SLC12A7: variants seen among roughly 807,000 people sequenced by gnomAD.
SLC12A7 encodes the protein K-Cl cotransporter 4.
A neutral mutation model predicts 120.6 loss-of-function variants in SLC12A7; 100 were observed. The ratio of observed to expected loss-of-function variants is 0.83; its 90% CI spans 0.71 to 0.98. The LOEUF (loss-of-function observed/expected upper bound fraction) is 0.98, where lower values mean the gene tolerates loss of function less well. Ranked by LOEUF, SLC12A7 falls within the 50% of genes least tolerant of loss-of-function variation. SLC12A7 has a pLI of 0.00. For synonymous variants in SLC12A7, 760 were observed against 678.0 expected, an observed-to-expected ratio of 1.12 and a Z score of -1.88; for missense variants, 1,373 against 1,548.1, an observed-to-expected ratio of 0.89 and a Z score of 1.90.
chr5:1,104,417 A>G (rs1231182382), intron 1 of SLC12A7, among the ~76,000 whole-genome samples: 3 of 152,226 alleles, frequency 2.0e-5, no homozygotes, highest in African/African-American at 7.2e-5. Flanking sequence ...TGGGAGGGCC[A>G]GCGGGGCTAC....
At chr5:1,123,757 A>T in the SLC12A7 span, among the ~76,000 whole-genome samples, 1 of 152,262 alleles carries the variant, frequency 6.6e-6, no homozygotes, top group African/African-American at 2.4e-5. Flanking sequence ...CTGGTAGGGC[A>T]TATCCTGAAG....
Position 1,075,355 on chromosome 5 carries a change from G to T in SLC12A7, c.1967+16C>A, listed in dbSNP as rs187014952. 1 of 1,606,074 alleles carries T rather than the reference G, an allele frequency of 6.2e-7. No individual in the cohort carries two copies. The highest frequency in any genetic ancestry group is 1.1e-5 in the South Asian group (1 of 90,922). ...TCCCGTGCGCCGGGTCTGTAAGGGG[G>T]GCTGACAGCGCTTACCCGCGGTACT... On this transcript the variant is annotated intron_variant, in intron 15 of 23. Transcript: ENST00000264930.
Position 1,079,504 on chromosome 5 carries a change from C to T in SLC12A7, c.1298-8G>A. 1 of 1,610,248 alleles carries T rather than the reference C, an allele frequency of 6.2e-7. No homozygotes were observed. Among genetic ancestry groups the T allele is most frequent in the Non-Finnish European group, 8.5e-7 (1 of 1,177,652 alleles). On this transcript the variant is annotated splice_region_variant and splice_polypyrimidine_tract_variant and intron_variant, in intron 9 of 23. Transcript: ENST00000264930. ...TTGAACCCGCCATGATACCTGTGAA[C>T]ATGGAAAATGCTGCAAAGACCCATC...
At chr5:1,139,214 GT>G in the SLC12A7 span, among the ~76,000 whole-genome samples, 1 of 152,252 alleles carries the variant, frequency 6.6e-6, no homozygotes, top group Non-Finnish European at 1.5e-5. Context: ...GGGGGAAAGT[GT>G]GAGCCCTTGG....
In SLC12A7 at chr5:1,089,099, G is replaced by T; in HGVS notation, c.372C>A (p.Val124=). ...GGATGTTCTGCAGGCACGGCAGGTA[G>T]ACGCCGATGAAGGTGCCCATGCGCG... ...KAPRMGTFIG[V]YLPCLQNILG... The change falls in exon 4 of 24, where the codon GTC becomes GTA. Residue 124 remains valine (V), a synonymous_variant. Transcript: ENST00000264930. 6.2e-7 allele frequency: 1 copy of T among 1,612,862 alleles called. No homozygotes were observed. Among genetic ancestry groups the T allele is most frequent in the South Asian group, 1.1e-5 (1 of 91,088 alleles).
chr5:1,138,625 C>T, the SLC12A7 span, among the ~76,000 whole-genome samples: 2 of 152,178 alleles, frequency 1.3e-5, no homozygotes, highest in Non-Finnish European at 2.9e-5. Flanking sequence ...AGCTGGAGAT[C>T]TTTACCCCAC....
At chr5:1,087,753 T>C (rs4073269) in intron 5 of SLC12A7, among the ~76,000 whole-genome samples, 65,150 of 152,200 alleles carry the variant, frequency 0.43, 15,329 homozygotes, top group East Asian at 0.62. Context: ...GAAGCAGACG[T>C]GGCAGCGTCT....
chr5:1,118,172 C>A, the SLC12A7 span, among the ~76,000 whole-genome samples: 1 of 152,208 alleles, frequency 6.6e-6, no homozygotes, highest in South Asian at 2.1e-4. Flanking sequence ...CTGCGTGAAT[C>A]CCTCTTTCCC....
upstream of SLC12A7, among the ~76,000 whole-genome samples, chr5:1,116,701 G>A (rs1003296598): frequency 1.3e-5 from 2 of 152,156 alleles, no homozygotes; most frequent in Non-Finnish European, 2.9e-5. Context: ...CTCACATAAT[G>A]TTACTCAGAA....
intron 17 of SLC12A7, among the ~76,000 whole-genome samples, chr5:1,068,968 C>T (rs1561050131): frequency 6.6e-6 from 1 of 152,270 alleles, no homozygotes; most frequent in Non-Finnish European, 1.5e-5. Context: ...TCCGGGATTC[C>T]TCCTAAGAGC....
the SLC12A7 span, among the ~76,000 whole-genome samples, chr5:1,137,599 C>T: frequency 1.3e-5 from 2 of 152,204 alleles, no homozygotes; most frequent in African/African-American, 4.8e-5. Flanking sequence ...CGTTCCCCTC[C>T]GGGTGGTCCC....
intron 6 of SLC12A7, among the ~76,000 whole-genome samples, 191 bp from the exon 7 acceptor site, chr5:1,085,664 G>A (rs1425462010): frequency 2.9e-5 from 4 of 137,654 alleles, no homozygotes; most frequent in Admixed American, 7.4e-5. Flanking sequence ...GGGGGTCAGC[G>A]CACAGGCGAG....
chr5:1,146,236 C>G, the SLC12A7 span, among the ~76,000 whole-genome samples: 5 of 152,210 alleles, frequency 3.3e-5, no homozygotes, highest in African/African-American at 1.2e-4. This position sits in a 1 kb window ranked among gnomAD's most constrained non-coding sequence, Gnocchi z 6.5. Context: ...GGGAGAGTCT[C>G]CAGGTCTGTG....
chr5:1,054,071 C>A (rs902115985), intron 22 of SLC12A7, among the ~76,000 whole-genome samples: 2 of 152,246 alleles, frequency 1.3e-5, no homozygotes, highest in Non-Finnish European at 2.9e-5. Flanking sequence ...AGCTCCCAGG[C>A]CTGACAAGGA....
In SLC12A7 at chr5:1,087,838, C is replaced by T. The variant is rs540994669; in HGVS notation, c.544+468G>A. Among the ~76,000 whole-genome samples the T allele has an allele frequency of 1.2e-4, 18 of 152,346 alleles. No homozygotes were observed. The South Asian group carries it at 2.1e-3, about 18-fold the overall frequency. ...TATCATCTCAGTTTACTAGTTATTA[C>T]GTATTGTAATTAACTTATTACTAAT... is the stretch of plus-strand genomic sequence containing the variant. On this transcript the variant is annotated intron_variant, in intron 5 of 23. Transcript: ENST00000264930.
chr5:1,109,596 G>A (rs1742837352), intron 1 of SLC12A7, among the ~76,000 whole-genome samples: 1 of 152,234 alleles, frequency 6.6e-6, no homozygotes, highest in Admixed American at 6.5e-5. Flanking sequence ...CCTGGAGCCA[G>A]GCTGGGCAGA....
chr5:1,054,311 G>A (rs988597114), intron 22 of SLC12A7, among the ~76,000 whole-genome samples: 36 of 152,240 alleles, frequency 2.4e-4, no homozygotes, highest in African/African-American at 8.2e-4. Flanking sequence ...AGCGTCCCTG[G>A]CGGCCTGGGC....
At chr5:1,152,590 TCCCCCAAGCTAGAGAAGGGAGA>T in the SLC12A7 span, among the ~76,000 whole-genome samples, 1 of 143,598 alleles carries the variant, frequency 7.0e-6, no homozygotes, top group Non-Finnish European at 1.5e-5. Context: ...GAGAAGGGAG[TCCCCCAAGCTAGAGAAGGGAGA>T]CCCCCAAGCT....
chr5:1,151,331 C>T, the SLC12A7 span, among the ~76,000 whole-genome samples: 1 of 152,228 alleles, frequency 6.6e-6, no homozygotes, highest in Non-Finnish European at 1.5e-5. This position sits in a 1 kb window ranked among gnomAD's most constrained non-coding sequence, Gnocchi z 6.2. Context: ...AAACCTCAGC[C>T]TGGCCTCGGC....
Sources: gnomAD v4.1 joint callset for allele counts (sites outside exome capture counted in the v4.1 genomes callset) on GRCh38, gnomAD v4.1.1 for gene constraint, Gnocchi (gnomAD v3.1) non-coding constraint, MANE v1.5 for transcripts, NCBI Gene and HGNC (gene_info 2026-07-23, HGNC 2026-07-21) for gene names.